The following WSCD2 variants were observed in gnomAD, a reference collection of about 807,000 sequenced individuals.
WSCD2 encodes WSC domain sialate O sulfotransferase 2, also known as sialate:O-sulfotransferase 2.
Under a neutral mutation model 55.7 loss-of-function variants are expected in WSCD2, and 28 were observed. That is an observed-to-expected ratio of 0.50 (90% confidence interval 0.37 to 0.69). WSCD2 has a LOEUF of 0.69. Ranked by LOEUF, WSCD2 falls within the 30% of genes least tolerant of loss-of-function variation. WSCD2 has a pLI of 0.00. For synonymous variants in WSCD2, 301 were observed against 301.9 expected (o/e 1.00, Z 0.03); for missense variants, 616 against 762.1 (o/e 0.81, Z 2.26).
intron 1 of WSCD2, among the ~76,000 whole-genome samples, chr12:108,142,850 G>C (rs550081966): frequency 4.0e-4 from 60 of 151,816 alleles, no homozygotes; most frequent in Admixed American, 9.8e-4. Flanking sequence ...GTCTTGCTCT[G>C]TCACCCAGGC....
intron 1 of WSCD2, among the ~76,000 whole-genome samples, chr12:108,137,095 G>A (rs1876306936): frequency 1.3e-5 from 2 of 152,206 alleles, no homozygotes; most frequent in Non-Finnish European, 2.9e-5. Flanking sequence ...TCCCCACTTG[G>A]CTAAGATGGC....
chr12:108,174,230 A>C (rs1443300971), intron 1 of WSCD2, among the ~76,000 whole-genome samples: 1 of 152,090 alleles, frequency 6.6e-6, no homozygotes, highest in East Asian at 1.9e-4. Flanking sequence ...CTCTCCACCC[A>C]CATTCCCTCC....
chr12:108,161,075 A>T (rs1344886785), intron 1 of WSCD2, among the ~76,000 whole-genome samples: 1 of 152,208 alleles, frequency 6.6e-6, no homozygotes, highest in African/African-American at 2.4e-5. Context: ...TGATGTTTAA[A>T]TCTTGGTGCT....
chr12:108,225,922 T>G (rs1027155273), intron 5 of WSCD2, among the ~76,000 whole-genome samples: 2 of 152,120 alleles, frequency 1.3e-5, no homozygotes, highest in Non-Finnish European at 1.5e-5. Context: ...AGAGAGTAGT[T>G]GAGGGTAGAG....
chr12:108,237,120 G>A (rs1482683176), intron 7 of WSCD2, among the ~76,000 whole-genome samples: 1 of 152,220 alleles, frequency 6.6e-6, no homozygotes, highest in Non-Finnish European at 1.5e-5. Flanking sequence ...CTTCAGGGGT[G>A]TCCATGCCTG....
chr12:108,136,089 T>C (rs987195294), intron 1 of WSCD2, among the ~76,000 whole-genome samples: 1 of 152,150 alleles, frequency 6.6e-6, no homozygotes, highest in African/African-American at 2.4e-5. Context: ...AGGTGACATA[T>C]GGGGTTTGCA....
intron 2 of WSCD2, among the ~76,000 whole-genome samples, chr12:108,203,974 A>G (rs937935331): frequency 1.3e-5 from 2 of 152,238 alleles, no homozygotes; most frequent in African/African-American, 4.8e-5. Flanking sequence ...TGCATTTTGA[A>G]AAGAGGAAAA....
chr12:108,206,609 G>A (rs1336100088), intron 3 of WSCD2, among the ~76,000 whole-genome samples: 2 of 152,238 alleles, frequency 1.3e-5, no homozygotes, highest in African/African-American at 4.8e-5. Flanking sequence ...GTTGGTCTAT[G>A]GGAGTCTGTG....
chr12:108,166,761 T>TTTCTTTCTC (rs10680980), intron 1 of WSCD2, among the ~76,000 whole-genome samples: 5 of 124,818 alleles, frequency 4.0e-5, no homozygotes, highest in African/African-American at 1.5e-4. Flanking sequence ...TCTTTCTTTC[T>TTTCTTTCTC]TTTCTTTCTT....
intron 8 of WSCD2, among the ~76,000 whole-genome samples, chr12:108,240,972 T>C (rs1204274178): frequency 2.0e-5 from 3 of 152,154 alleles, no homozygotes; most frequent in Non-Finnish European, 2.9e-5. Context: ...TTCATGGCAC[T>C]GGAGATGCTC....
At chr12:108,156,361 C>T (rs943590675) in intron 1 of WSCD2, among the ~76,000 whole-genome samples, 2 of 152,210 alleles carry the variant, frequency 1.3e-5, no homozygotes, top group Non-Finnish European at 2.9e-5. Flanking sequence ...TAGCTCAGCA[C>T]ATAGTAAGCA....
intron 1 of WSCD2, among the ~76,000 whole-genome samples, chr12:108,134,032 G>C (rs958655920): frequency 6.6e-6 from 1 of 152,186 alleles, no homozygotes; most frequent in African/African-American, 2.4e-5. Flanking sequence ...GGACTGTGGT[G>C]GGGTATGGGT....
chr12:108,206,166 A>C (rs1026921167), intron 2 of WSCD2, 123 bp from the exon 3 acceptor site: 11 of 775,302 alleles, frequency 1.4e-5, no homozygotes, highest in Non-Finnish European at 2.2e-5. Flanking sequence ...TTCTGCCCAA[A>C]GGAAGGACTT....
intron 4 of WSCD2, among the ~76,000 whole-genome samples, chr12:108,219,703 G>C (rs561644922): frequency 2.0e-5 from 3 of 152,218 alleles, no homozygotes; most frequent in Admixed American, 6.5e-5. Context: ...CAGGACTCAA[G>C]AAAGGACCCA....
intron 1 of WSCD2, among the ~76,000 whole-genome samples, chr12:108,166,201 T>A (rs938760508): frequency 6.6e-6 from 1 of 152,210 alleles, no homozygotes; most frequent in Non-Finnish European, 1.5e-5. Context: ...AGTGACTTCA[T>A]CTCTTTGAGC....
chr12:108,179,228 G>A (rs990198761), intron 1 of WSCD2, among the ~76,000 whole-genome samples: 2 of 151,402 alleles, frequency 1.3e-5, no homozygotes, highest in African/African-American at 4.9e-5. Flanking sequence ...CAGGCTCCAC[G>A]GGAGTCCTGC....
chr12:108,221,556 C>G (rs1007134884), intron 4 of WSCD2, among the ~76,000 whole-genome samples: 1 of 152,138 alleles, frequency 6.6e-6, no homozygotes, highest in Non-Finnish European at 1.5e-5. Flanking sequence ...GGGCATCCCT[C>G]TCAGCAACCC....
chr12:108,215,232 T>C lies in WSCD2; in HGVS notation c.682+4927T>C, dbSNP rs754643155. On this transcript the variant is annotated intron_variant, in intron 4 of 8. Coordinates refer to ENST00000547525, the MANE Select transcript of WSCD2 (RefSeq NM_014653.4). ...CTCCCCTAAGCAAAATCTAGGCCAT[T>C]GGACAGGAAAATATTGGGAGCAATG... Among the ~76,000 whole-genome samples, 43 of 152,182 alleles carry C rather than the reference T, an allele frequency of 2.8e-4. 1 individual carries two copies. The highest frequency in any genetic ancestry group is 5.6e-4 in the Non-Finnish European group (38 of 68,014).
Position 108,164,138 on chromosome 12 carries a change from C to CTTTTTTTTTTTTTTTTTTTTTTTTTT in WSCD2, c.-551-31144_-551-31143insTTTTTTTTTTTTTTTTTTTTTTTTTT. Among the ~76,000 whole-genome samples the CTTTTTTTTTTTTTTTTTTTTTTTTTT allele has an allele frequency of 7.9e-4, 57 of 71,740 alleles. 26 individuals carry two copies. The highest frequency in any genetic ancestry group is 1.4e-3 in the South Asian group (2 of 1,440). 47.1% of individuals were successfully genotyped at this position (71,740 alleles called of 152,430 possible). Reference sequence around the variant, plus strand: ...TTTATACTGTTGTTTAATCTTAAATCCTTTTTTTTTTTTTTTTTTTTTTTC... The same window carrying CTTTTTTTTTTTTTTTTTTTTTTTTTT: ...TTTATACTGTTGTTTAATCTTAAATCTTTTTTTTTTTTTTTTTTTTTTTTTTCTTTTTTTTTTTTTTTTTTTTTTTC... On this transcript the variant is annotated intron_variant, in intron 1 of 8. Transcript: ENST00000547525.
Sources: allele counts gnomAD v4.1 joint callset (sites outside exome capture counted in the v4.1 genomes callset), GRCh38; gene constraint gnomAD v4.1.1; transcripts MANE v1.5; gene names NCBI Gene and HGNC (gene_info 2026-07-23, HGNC 2026-07-21).